The following TBRG4 variants were observed in gnomAD, a reference collection of about 807,000 sequenced individuals.
TBRG4 encodes transforming growth factor beta regulator 4, also known as FAST kinase domain-containing protein 4.
Under a neutral mutation model 65.6 loss-of-function variants are expected in TBRG4, and 43 were observed. The observed-to-expected ratio is 0.66, with a 90% CI of 0.51 to 0.85. TBRG4 has a LOEUF of 0.85. TBRG4 is among the 40% of genes least tolerant of loss of function. TBRG4 has a pLI of 0.00. For synonymous variants in TBRG4, 366 were observed against 341.4 expected (o/e 1.07, Z -0.79); for missense variants, 709 against 787.9 (o/e 0.90, Z 1.20).
chr7:45,111,579 C>G, intron 1 of TBRG4, 64 bp downstream of exon 1: 24 of 1,288,382 alleles, frequency 1.9e-5, no homozygotes, highest in Non-Finnish European at 2.4e-5. Flanking sequence ...TTCCCAGCCA[C>G]GCCTGTGTTG....
rs1453971871 is a variant in TBRG4 at position 45,103,907 on chromosome 7, G to A, written c.1065+192C>T. 3.9e-6 allele frequency: 3 copies of A among 777,188 alleles called. No homozygotes were observed. In the African/African-American group the frequency reaches 5.3e-5, roughly 14 times the overall value. 48.1% of individuals were successfully genotyped at this position (777,188 alleles called of 1,614,324 possible). On this transcript the variant is annotated intron_variant, in intron 5 of 10. Coordinates refer to ENST00000258770, the MANE Select transcript of TBRG4 (RefSeq NM_004749.4). ...TATAATGGTCAGTGAAAGAACAGAGGAAACAGTTCTCAAACACTTTTTTGA... is the reference window on the plus strand; with the variant it reads ...TATAATGGTCAGTGAAAGAACAGAGAAAACAGTTCTCAAACACTTTTTTGA...
chr7:45,109,047 G>A lies in TBRG4; in HGVS notation c.191C>T (p.Ser64Phe). Residue 64 changes from serine (S) to phenylalanine (F), a missense_variant, in exon 2 of 11, where the codon TCT becomes TTT. Ser to Phe is a radical substitution (Grantham distance 155). Coordinates refer to ENST00000258770, the MANE Select transcript of TBRG4 (RefSeq NM_004749.4). ...LMEPVEKERA[S>F]TPYIEKQVDH... ...CACCTGCTTCTCTATGTAGGGAGTA[G>A]ATGCTCGTTCCTTCTCCACCGGCTC... is the stretch of plus-strand genomic sequence containing the variant. 1 of 1,613,782 alleles carries A rather than the reference G, an allele frequency of 6.2e-7. No individual in the cohort carries two copies. The highest frequency in any genetic ancestry group is 8.5e-7 in the Non-Finnish European group (1 of 1,179,762).
intron 1 of TBRG4, 114 bp from the exon 2 acceptor site, chr7:45,109,401 T>C: frequency 2.2e-6 from 2 of 909,306 alleles, no homozygotes; most frequent in Non-Finnish European, 3.1e-6. Context: ...TAAGTCTTTC[T>C]TGACAATCCA....
intron 10 of TBRG4, among the ~76,000 whole-genome samples, chr7:45,100,941 C>G (rs1366295093): frequency 2.0e-5 from 3 of 152,252 alleles, no homozygotes; most frequent in African/African-American, 7.2e-5. Flanking sequence ...CACTCAGAGC[C>G]CCAACAGCTG....
At chr7:45,105,327 G>A (rs1784907672) in intron 3 of TBRG4, 114 bp downstream of exon 3, 1 of 1,201,774 alleles carries the variant, frequency 8.3e-7, no homozygotes, top group African/African-American at 1.5e-5. Context: ...GAAGCTCCCA[G>A]GGCTCTGATC....
chr7:45,108,822 C>A lies in TBRG4; in HGVS notation c.411+5G>T. On this transcript the variant is annotated splice_donor_5th_base_variant and intron_variant, in intron 2 of 10. Coordinates refer to ENST00000258770, the MANE Select transcript of TBRG4 (RefSeq NM_004749.4). ...TATGCTCTCAGACCACACTCCGGCA[C>A]CCACCTGACTGTTGAGCAGACAGAG... 6.6e-7 allele frequency: 1 copy of A among 1,526,128 alleles called. No individual in the cohort carries two copies. Among genetic ancestry groups the A allele is most frequent in the East Asian group, 2.3e-5 (1 of 44,062 alleles). The allele number at this position is 1,526,128 out of a possible 1,614,324, so 94.5% of individuals were successfully genotyped here. A position where few individuals can be genotyped will look rare whatever the true frequency, so the allele number is the denominator to read the frequency against.
chr7:45,102,617 G>T, intron 6 of TBRG4, 126 bp from the exon 7 acceptor site: 2 of 1,328,742 alleles, frequency 1.5e-6, no homozygotes, highest in Non-Finnish European at 2.0e-6. Flanking sequence ...AGGCTACTAG[G>T]TAACAAGAGG....
Position 45,111,675 on chromosome 7 carries a change from GC to G in TBRG4, c.-84del, listed in dbSNP as rs1216616184. On this transcript the variant is annotated 5_prime_UTR_variant, in exon 1 of 11. It removes the in-frame stop codon of an upstream open reading frame in the 5' UTR. Coordinates refer to ENST00000258770, the MANE Select transcript of TBRG4 (RefSeq NM_004749.4). ...GCACCACCGCTGACCTCCATCCGCC[GC>G]CCTAACTGTCCCCGGAACCATGAGG... 7.8e-7 allele frequency: 1 copy of G among 1,289,342 alleles called. No individual in the cohort carries two copies. The highest frequency in any genetic ancestry group is 1.2e-5 in the South Asian group (1 of 81,004). The allele number at this position is 1,289,342 out of a possible 1,614,324, so 79.9% of individuals were successfully genotyped here. A position where few individuals can be genotyped will look rare whatever the true frequency, so the allele number is the denominator to read the frequency against.
intron 4 of TBRG4, 64 bp from the exon 5 acceptor site, chr7:45,104,320 C>G: frequency 6.2e-7 from 1 of 1,608,962 alleles, no homozygotes; most frequent in Non-Finnish European, 8.5e-7. Flanking sequence ...AGCAGCTCCA[C>G]CCCACCTCAG....
intron 6 of TBRG4, chr7:45,102,755 T>G: frequency 2.0e-6 from 1 of 506,304 alleles, no homozygotes; most frequent in Non-Finnish European, 3.5e-6. Flanking sequence ...TGATTAGGTT[T>G]ACTACAACCA....
chr7:45,100,302 G>A lies in TBRG4; in HGVS notation c.*23C>T, dbSNP rs780426324. 4.4e-6 allele frequency: 7 copies of A among 1,605,224 alleles called. No homozygotes were observed. Among genetic ancestry groups the A allele is most frequent in the South Asian group, 3.3e-5 (3 of 90,686 alleles). ...AGCTAGACCTCCGGCGGAGAGGCAC[G>A]CAGTCCATGCTGCTGGCACAAGTCA... On this transcript the variant is annotated 3_prime_UTR_variant, in exon 11 of 11. Coordinates refer to ENST00000258770, the MANE Select transcript of TBRG4 (RefSeq NM_004749.4).
At chr7:45,108,773 A>G in intron 2 of TBRG4, 54 bp downstream of exon 2, 3 of 1,452,976 alleles carry the variant, frequency 2.1e-6, no homozygotes, top group Non-Finnish European at 2.7e-6. Context: ...GGACCCCAGC[A>G]TTTCTGGCTG....
In TBRG4 at chr7:45,105,462, T is replaced by G; in HGVS notation, c.714A>C (p.Leu238=). 6.2e-7 allele frequency: 1 copy of G among 1,607,370 alleles called. No individual in the cohort carries two copies. The highest frequency in any genetic ancestry group is 8.5e-7 in the Non-Finnish European group (1 of 1,175,478). ...GTACCTTGTCTTCCAGGCGGTTCAT[T>G]AGTGGCTCCGAGAGGTGTCCCACCT... ...MMKVGHLSEP[L]MNRLEDKCLE... is the part of the protein sequence containing the mutation. The change falls in exon 3 of 11, where the codon CTA becomes CTC. Residue 238 remains leucine, a synonymous_variant. Transcript: ENST00000258770.
intron 6 of TBRG4, 125 bp from the exon 7 acceptor site, chr7:45,102,616 G>A: frequency 2.3e-6 from 3 of 1,327,352 alleles, no homozygotes; most frequent in Non-Finnish European, 3.1e-6. Flanking sequence ...GAGGCTACTA[G>A]GTAACAAGAG....
intron 1 of TBRG4, 142 bp from the exon 2 acceptor site, chr7:45,109,429 T>C: frequency 1.5e-6 from 1 of 680,072 alleles, no homozygotes; most frequent in Non-Finnish European, 2.2e-6. Flanking sequence ...GTGATAGTAT[T>C]TTCTAAAGCA....
Position 45,106,167 on chromosome 7 carries a change from T to C in TBRG4, c.412-403A>G, listed in dbSNP as rs1420859378. 4.5e-5 allele frequency: 20 copies of C among 443,966 alleles called. No homozygotes were observed. In the Admixed American group the frequency reaches 5.0e-4, roughly 11 times the overall value. 27.5% of individuals were successfully genotyped at this position (443,966 alleles called of 1,614,324 possible). A position where few individuals can be genotyped will look rare whatever the true frequency, so the allele number is the denominator to read the frequency against. On this transcript the variant is annotated intron_variant, in intron 2 of 10. Coordinates refer to ENST00000258770, the MANE Select transcript of TBRG4 (RefSeq NM_004749.4). Reference sequence around the variant, plus strand: ...TCCAAGGGTACACCTCTGAGCCTGATCCTCTAGGCTACAATAAATAGCACA... The same window carrying C: ...TCCAAGGGTACACCTCTGAGCCTGACCCTCTAGGCTACAATAAATAGCACA...
Position 45,105,466 on chromosome 7 carries a change from G to A in TBRG4, c.710C>T (p.Pro237Leu), listed in dbSNP as rs1177433635. Residue 237 changes from proline (P) to leucine (L), a missense_variant, in exon 3 of 11, where the codon CCA becomes CTA. By Grantham distance (98) the Pro-to-Leu change is moderately conservative. Coordinates refer to ENST00000258770, the MANE Select transcript of TBRG4 (RefSeq NM_004749.4). ...VMMKVGHLSEPLMNRLEDKCL... is the reference protein window; with the variant it reads ...VMMKVGHLSELLMNRLEDKCL... ...CTTGTCTTCCAGGCGGTTCATTAGT[G>A]GCTCCGAGAGGTGTCCCACCTTCAT... 1 of 1,608,382 alleles carries A rather than the reference G, an allele frequency of 6.2e-7. No individual in the cohort carries two copies. The highest frequency in any genetic ancestry group is 1.3e-5 in the African/African-American group (1 of 74,824).
intron 2 of TBRG4, chr7:45,107,131 G>C (rs1460768029): frequency 6.6e-6 from 1 of 152,098 alleles, no homozygotes; most frequent in East Asian, 1.9e-4. Flanking sequence ...AGGCCTCCTA[G>C]GGATGACCAA....
intron 3 of TBRG4, chr7:45,105,103 G>A: frequency 1.0e-5 from 7 of 669,136 alleles, no homozygotes; most frequent in Non-Finnish European, 1.7e-5. Flanking sequence ...AGCCAGGCCT[G>A]GGCAGTAGCT....
Sources: allele counts gnomAD v4.1 joint callset (sites outside exome capture counted in the v4.1 genomes callset), GRCh38; gene constraint gnomAD v4.1.1; transcripts MANE v1.5; gene names NCBI Gene and HGNC (gene_info 2026-07-23, HGNC 2026-07-21).